Variants in SLC25A18 observed in about 807,000 individuals in gnomAD.
SLC25A18 encodes solute carrier family 25 member 18, also known as mitochondrial glutamate carrier 2.
A neutral mutation model predicts 31.1 loss-of-function variants in SLC25A18; 24 were observed. The observed-to-expected ratio is 0.77, with a 90% confidence interval of 0.56 to 1.08. The LOEUF is 1.08. Among genes scored for constraint, SLC25A18 ranks in the 50% least tolerant of loss-of-function variants. The pLI is 0.00. For synonymous variants in SLC25A18, 173 were observed against 161.9 expected, an observed-to-expected ratio of 1.07 and a Z score of -0.52; for missense variants, 371 against 418.5, an observed-to-expected ratio of 0.89 and a Z score of 0.99.
intron 1 of SLC25A18, among the ~76,000 whole-genome samples, chr22:17,564,220 G>A (rs2056875248): frequency 6.6e-6 from 1 of 152,280 alleles, no homozygotes; most frequent in South Asian, 2.1e-4. Context: ...GAGAAGTGAT[G>A]GTGTTCCTCT....
At chr22:17,569,198 C>T (rs2057024762) in intron 1 of SLC25A18, among the ~76,000 whole-genome samples, 1 of 151,758 alleles carries the variant, frequency 6.6e-6, no homozygotes, top group Admixed American at 6.6e-5. Context: ...TTAGTAGACA[C>T]GGGGTTTTAC....
chr22:17,582,989 C>T (rs1047427880), intron 6 of SLC25A18, among the ~76,000 whole-genome samples: 1 of 152,222 alleles, frequency 6.6e-6, no homozygotes, highest in African/African-American at 2.4e-5. Flanking sequence ...GAAGGAGGAT[C>T]GCTTGGGCCC....
chr22:17,580,435 T>C, intron 3 of SLC25A18: 1 of 679,650 alleles, frequency 1.5e-6, no homozygotes, highest in Non-Finnish European at 1.8e-6. Context: ...TGGGGGGCCA[T>C]GTTATCTAAA....
intron 1 of SLC25A18, among the ~76,000 whole-genome samples, chr22:17,564,948 C>G (rs1209417388): frequency 6.6e-6 from 1 of 151,912 alleles, no homozygotes; most frequent in Non-Finnish European, 1.5e-5. Flanking sequence ...TGGTGTGCAC[C>G]TGTGATCCCA....
intron 1 of SLC25A18, among the ~76,000 whole-genome samples, chr22:17,567,331 A>C (rs2056963895): frequency 6.6e-6 from 1 of 152,166 alleles, no homozygotes; most frequent in Admixed American, 6.5e-5. Context: ...CAGTAAACTA[A>C]GATTCAAACT....
chr22:17,576,114 G>A (rs1445052810), intron 2 of SLC25A18, among the ~76,000 whole-genome samples: 1 of 152,162 alleles, frequency 6.6e-6, no homozygotes, highest in Non-Finnish European at 1.5e-5. Flanking sequence ...AGCACTTTGG[G>A]AGGCTGAGGC....
intron 3 of SLC25A18, 43 bp downstream of exon 3, chr22:17,580,007 T>TCA: frequency 6.3e-7 from 1 of 1,588,106 alleles, no homozygotes; most frequent in Non-Finnish European, 8.6e-7. Flanking sequence ...GCCCTGGGCC[T>TCA]GGCGGAGAGT....
rs759200226 is a variant in SLC25A18 at position 17,589,571 on chromosome 22, T to C, written c.731-19T>C. 6.3e-7 allele frequency: 1 copy of C among 1,578,978 alleles called. No individual in the cohort carries two copies. Among genetic ancestry groups the C allele is most frequent in the Non-Finnish European group, 8.7e-7 (1 of 1,149,010 alleles). On this transcript the variant is annotated intron_variant, in intron 9 of 10. Coordinates refer to ENST00000327451, the MANE Select transcript of SLC25A18 (RefSeq NM_031481.3). Reference sequence around the variant, plus strand: ...AAAGTAAGCTGTTCACTACTTACTTTAACTTTTACTTGATTTAGTTCTGAA... The same window carrying C: ...AAAGTAAGCTGTTCACTACTTACTTCAACTTTTACTTGATTTAGTTCTGAA...
chr22:17,572,485 C>A (rs1181372730), intron 2 of SLC25A18, among the ~76,000 whole-genome samples: 33 of 132,834 alleles, frequency 2.5e-4, no homozygotes, highest in Admixed American at 5.3e-4. Flanking sequence ...AACTCCATCT[C>A]AAAAAAAAAA....
chr22:17,565,785 T>TG (rs780935115), intron 1 of SLC25A18, among the ~76,000 whole-genome samples: 5 of 152,118 alleles, frequency 3.3e-5, no homozygotes, highest in Non-Finnish European at 7.4e-5. Context: ...GAGAATCACT[T>TG]GAACCCAGGA....
intron 2 of SLC25A18, among the ~76,000 whole-genome samples, chr22:17,574,934 C>T (rs539667219): frequency 6.6e-6 from 1 of 151,810 alleles, no homozygotes; most frequent in Non-Finnish European, 1.5e-5. Flanking sequence ...TCACTGCAAC[C>T]TCCGCCTCCC....
intron 1 of SLC25A18, among the ~76,000 whole-genome samples, chr22:17,564,423 G>A (rs1164369335): frequency 6.6e-6 from 1 of 152,190 alleles, no homozygotes; most frequent in Admixed American, 6.5e-5. Context: ...TGGTTCTGAT[G>A]CAAACTGACC....
Position 17,588,049 on chromosome 22 carries a change from A to G in SLC25A18, c.700A>G (p.Ile234Val), listed in dbSNP as rs2146279093. ...SFVSGCVAGS[I>V]AAVAVTPLDV... ...CGTGTCAGGCTGTGTGGCAGGTTCCATAGCTGCGGTCGCAGTGACGCCTCT... is the reference window on the plus strand; with the variant it reads ...CGTGTCAGGCTGTGTGGCAGGTTCCGTAGCTGCGGTCGCAGTGACGCCTCT... The change falls in exon 9 of 11, where the codon ATA (isoleucine) becomes GTA (valine). Residue 234 changes from isoleucine (I) to valine (V), a missense_variant. Transcript: ENST00000327451. 6.2e-7 allele frequency: 1 copy of G among 1,614,112 alleles called. No individual in the cohort carries two copies. Among genetic ancestry groups the G allele is most frequent in the African/African-American group, 1.3e-5 (1 of 75,060 alleles).
chr22:17,585,577 A>G (rs1007552205), intron 7 of SLC25A18, among the ~76,000 whole-genome samples: 80 of 151,996 alleles, frequency 5.3e-4, no homozygotes, highest in African/African-American at 1.8e-3. Flanking sequence ...TTTCAGTGTC[A>G]CAAATCCCAT....
chr22:17,568,594 C>T (rs2057002890), intron 1 of SLC25A18, among the ~76,000 whole-genome samples: 1 of 109,668 alleles, frequency 9.1e-6, no homozygotes, highest in Non-Finnish European at 1.7e-5. Flanking sequence ...GACAGTCTCA[C>T]TCTGTCACCC....
chr22:17,583,056 C>CA (rs71201842), intron 6 of SLC25A18, among the ~76,000 whole-genome samples: 18,902 of 152,148 alleles, frequency 0.12, 1,559 homozygotes, highest in Non-Finnish European at 0.18. Flanking sequence ...GCGTGGGTCA[C>CA]AGAGCGAGAC....
In SLC25A18 at chr22:17,590,866, A is replaced by G. The variant is rs972672044; in HGVS notation, c.*630A>G. ...CCCTGTAACCAAGGAACACTCTGAA[A>G]TAAAGGTGAATGGCTAAAATCTCAT... On this transcript the variant is annotated 3_prime_UTR_variant, in exon 11 of 11. Coordinates refer to ENST00000327451, the MANE Select transcript of SLC25A18 (RefSeq NM_031481.3). 1.3e-5 allele frequency: 2 copies of G among 152,490 alleles called. No individual in the cohort carries two copies. Among genetic ancestry groups the G allele is most frequent in the African/African-American group, 4.8e-5 (2 of 41,462 alleles). 9.4% of individuals were successfully genotyped at this position (152,490 alleles called of 1,614,324 possible).
At chr22:17,567,420 C>T (rs1345936405) in intron 1 of SLC25A18, among the ~76,000 whole-genome samples, 2 of 152,008 alleles carry the variant, frequency 1.3e-5, no homozygotes, top group Non-Finnish European at 2.9e-5. Flanking sequence ...CATGGATGTC[C>T]CATTCCCCTT....
rs1301616161 is a variant in SLC25A18, at chr22:17,566,544, C to G, written c.-264+2831C>G. Among the ~76,000 whole-genome samples the G allele has an allele frequency of 2.0e-5, 3 of 152,226 alleles. No individual in the cohort carries two copies. The East Asian group carries it at 5.8e-4, about 29-fold the overall frequency. On this transcript the variant is annotated intron_variant, in intron 1 of 10. Transcript: ENST00000327451. ...TCTCCCGCTTAAGCCTTCCAAATAG[C>G]TGGGATTACAGGCATGTGCCACCAT...
Sources: allele counts gnomAD v4.1 joint callset (sites outside exome capture counted in the v4.1 genomes callset), GRCh38; gene constraint gnomAD v4.1.1; transcripts MANE v1.5; gene names NCBI Gene and HGNC (gene_info 2026-07-23, HGNC 2026-07-21).